Variants in FAM184B observed in about 807,000 individuals in gnomAD.
FAM184B encodes protein FAM184B.
Under a neutral mutation model 135.9 loss-of-function variants are expected in FAM184B, and 111 were observed. The ratio of observed to expected loss-of-function variants is 0.82; its 90% CI spans 0.70 to 0.96. The LOEUF (loss-of-function observed/expected upper bound fraction) is 0.96, where lower values mean the gene tolerates loss of function less well. Ranked by LOEUF, FAM184B falls within the 40% of genes least tolerant of loss-of-function variation. The pLI is 0.00. For missense variants in FAM184B, 1,375 were observed against 1,323.9 expected (o/e 1.04, Z -0.60); for synonymous variants, 552 against 524.8 (o/e 1.05, Z -0.71).
At chr4:17,682,600 G>A (rs960482383) in intron 7 of FAM184B, among the ~76,000 whole-genome samples, 2 of 152,112 alleles carry the variant, frequency 1.3e-5, no homozygotes, top group African/African-American at 4.8e-5. Context: ...CCAGGTCCTA[G>A]CGGTTCTCGT....
At chr4:17,656,547 A>G (rs1715782232) in intron 10 of FAM184B, among the ~76,000 whole-genome samples, 1 of 152,130 alleles carries the variant, frequency 6.6e-6, no homozygotes, top group South Asian at 2.1e-4. Flanking sequence ...GACTACAGGC[A>G]CGCACCATGA....
At chr4:17,693,588 C>T (rs778734498) in intron 5 of FAM184B, among the ~76,000 whole-genome samples, 176 bp from the exon 6 acceptor site, 12 of 152,224 alleles carry the variant, frequency 7.9e-5, no homozygotes, top group South Asian at 2.1e-4. Context: ...GTTAACGTCA[C>T]AACACAAAGC....
chr4:17,675,712 T>C (rs1198572920), intron 7 of FAM184B, among the ~76,000 whole-genome samples: 1 of 152,216 alleles, frequency 6.6e-6, no homozygotes, highest in Non-Finnish European at 1.5e-5. Context: ...TCTGGATAAC[T>C]TGCTGCAGCT....
At chr4:17,688,951 CA>C (rs908843226) in intron 6 of FAM184B, among the ~76,000 whole-genome samples, 6 of 152,142 alleles carry the variant, frequency 3.9e-5, no homozygotes, top group African/African-American at 1.4e-4. Flanking sequence ...CCTCGGCCTC[CA>C]AAAGGGCTGG....
chr4:17,654,058 G>A (rs1480454035), intron 10 of FAM184B, among the ~76,000 whole-genome samples: 2 of 152,168 alleles, frequency 1.3e-5, no homozygotes, highest in East Asian at 3.9e-4. Flanking sequence ...TCTTTAGAAG[G>A]AACCAGCCCT....
At chr4:17,716,635 T>C (rs1302684174) in intron 1 of FAM184B, among the ~76,000 whole-genome samples, 2 of 152,102 alleles carry the variant, frequency 1.3e-5, no homozygotes. Flanking sequence ...TGTGTGTCAC[T>C]GTGCCCAGCC....
At chr4:17,725,042 G>C (rs1174758905) in intron 1 of FAM184B, among the ~76,000 whole-genome samples, 4 of 152,088 alleles carry the variant, frequency 2.6e-5, no homozygotes, top group African/African-American at 9.7e-5. Context: ...CTGGTCTCTG[G>C]GGGACTCACC....
intron 1 of FAM184B, among the ~76,000 whole-genome samples, chr4:17,723,769 A>G (rs1717583254): frequency 6.6e-6 from 1 of 152,162 alleles, no homozygotes; most frequent in Non-Finnish European, 1.5e-5. Context: ...TACACAGCCA[A>G]ATCTTCTTAC....
intron 5 of FAM184B, among the ~76,000 whole-genome samples, chr4:17,694,208 T>C (rs1442088607): frequency 6.6e-6 from 1 of 151,968 alleles, no homozygotes; most frequent in Non-Finnish European, 1.5e-5. Flanking sequence ...AAAGGATTGG[T>C]AGATGACAAG....
intron 5 of FAM184B, among the ~76,000 whole-genome samples, chr4:17,694,013 G>T (rs565782132): frequency 6.6e-6 from 1 of 152,260 alleles, no homozygotes; most frequent in Admixed American, 6.5e-5. Context: ...ATTGCTCCAT[G>T]GTCCCTCACC....
rs2109001839 is a variant in FAM184B, at chr4:17,781,337, C to T, written c.-38G>A. ...CCCAGCACTCAGACTCTCTCGTTTT[C>T]TCCCTGCCCACCGTGTGCACGTGCG... is the stretch of plus-strand genomic sequence containing the variant. On this transcript the variant is annotated 5_prime_UTR_variant, in exon 1 of 18. Coordinates refer to ENST00000265018, the MANE Select transcript of FAM184B (RefSeq NM_015688.2). This position sits in a 1 kb window ranked among gnomAD's most constrained non-coding sequence, Gnocchi z 6.5. 1 of 1,488,628 alleles carries T rather than the reference C, an allele frequency of 6.7e-7. No homozygotes were observed. Among genetic ancestry groups the T allele is most frequent in the Non-Finnish European group, 9.0e-7 (1 of 1,111,842 alleles). The allele number at this position is 1,488,628 out of a possible 1,614,324, so 92.2% of individuals were successfully genotyped here.
At chr4:17,735,954 G>C (rs1025139440) in intron 1 of FAM184B, among the ~76,000 whole-genome samples, 10 of 152,162 alleles carry the variant, frequency 6.6e-5, no homozygotes, top group Non-Finnish European at 1.5e-5. Context: ...AACCTGGGAA[G>C]CTCAGCAAAC....
At chr4:17,638,782 G>GT (rs1715223172) in intron 14 of FAM184B, among the ~76,000 whole-genome samples, 1 of 146,586 alleles carries the variant, frequency 6.8e-6, no homozygotes, top group African/African-American at 2.8e-5. Flanking sequence ...CTGCAGAAAA[G>GT]GGGAACATAG....
rs1301251541 is a variant in FAM184B at position 17,633,686 on chromosome 4, A to G, written c.3089+3T>C. On this transcript the variant is annotated splice_donor_region_variant and intron_variant, in intron 17 of 17. Coordinates refer to ENST00000265018, the MANE Select transcript of FAM184B (RefSeq NM_015688.2). ...GGGCCCCTGTCCCCAACATCCCCCAAACCTTGTGGCAGTTTTTGCATCTGT... is the reference window on the plus strand; with the variant it reads ...GGGCCCCTGTCCCCAACATCCCCCAGACCTTGTGGCAGTTTTTGCATCTGT... 7.9e-6 allele frequency: 12 copies of G among 1,525,142 alleles called. No homozygotes were observed. The highest frequency in any genetic ancestry group is 1.1e-5 in the Non-Finnish European group (12 of 1,132,890). The allele number at this position is 1,525,142 out of a possible 1,614,324, so 94.5% of individuals were successfully genotyped here.
Position 17,636,571 on chromosome 4 carries a change from T to C in FAM184B, c.2741A>G (p.Gln914Arg). ...PEDLQLIGRL[Q>R]TRLKEREDII... ...GTCCTCTCTCTCCTTCAGGCGGGTC[T>C]GCAGGCGGCCAATGAGCTGAAGGTC... Residue 914 changes from glutamine to arginine, a missense_variant, in exon 15 of 18, where the codon CAG (glutamine) becomes CGG (arginine). Transcript: ENST00000265018. 6.4e-7 allele frequency: 1 copy of C among 1,551,192 alleles called. No homozygotes were observed. The highest frequency in any genetic ancestry group is 1.2e-5 in the South Asian group (1 of 84,056).
intron 1 of FAM184B, among the ~76,000 whole-genome samples, chr4:17,778,427 T>C (rs1334384386): frequency 6.6e-6 from 1 of 152,058 alleles, no homozygotes; most frequent in Non-Finnish European, 1.5e-5. Flanking sequence ...GAAAGAACTA[T>C]TAAAGGATGG....
At chr4:17,651,781 G>A (rs189144496) in intron 11 of FAM184B, among the ~76,000 whole-genome samples, 14 of 152,264 alleles carry the variant, frequency 9.2e-5, no homozygotes, top group African/African-American at 2.9e-4. Context: ...GCTAGTGAGT[G>A]TTAGAGCTGG....
chr4:17,764,873 T>TG (rs1486064931), intron 1 of FAM184B, among the ~76,000 whole-genome samples: 2 of 152,030 alleles, frequency 1.3e-5, no homozygotes, highest in African/African-American at 4.8e-5. Flanking sequence ...GAGACCAGGC[T>TG]GGACAACATA....
intron 4 of FAM184B, 96 bp from the exon 5 acceptor site, chr4:17,705,302 C>T (rs2108964039): frequency 3.2e-6 from 3 of 943,014 alleles, no homozygotes; most frequent in Admixed American, 5.0e-5. Flanking sequence ...AACGTTTATA[C>T]ACTGTTTTTA....
Sources: gnomAD v4.1 joint callset for allele counts (sites outside exome capture counted in the v4.1 genomes callset) on GRCh38, gnomAD v4.1.1 for gene constraint, Gnocchi (gnomAD v3.1) non-coding constraint, MANE v1.5 for transcripts, NCBI Gene and HGNC (gene_info 2026-07-23, HGNC 2026-07-21) for gene names.